Variants in RNF32 observed in about 807,000 individuals in gnomAD.
RNF32 encodes ring finger protein 32.
Under a neutral mutation model 41.0 loss-of-function variants are expected in RNF32, and 36 were observed. The ratio of observed to expected loss-of-function variants is 0.88; its 90% CI spans 0.67 to 1.16. The LOEUF is 1.16. Ranked by LOEUF, RNF32 falls within the 50% of genes most tolerant of loss-of-function variation. The probability of loss-of-function intolerance (pLI) is 0.00; values close to 1 mark genes in which losing one functional copy is unlikely to be tolerated. For synonymous variants in RNF32, 154 were observed against 160.9 expected (o/e 0.96, Z 0.32); for missense variants, 413 against 436.7 (o/e 0.95, Z 0.48).
At chr7:156,650,836 C>G (rs1217348419) in intron 3 of RNF32, among the ~76,000 whole-genome samples, 1 of 152,206 alleles carries the variant, frequency 6.6e-6, no homozygotes, top group East Asian at 1.9e-4. Flanking sequence ...TCTTACTGTT[C>G]ATTTGTTTCT....
chr7:156,672,626 G>C (rs1458540100), intron 7 of RNF32, among the ~76,000 whole-genome samples: 1 of 152,234 alleles, frequency 6.6e-6, no homozygotes, highest in African/African-American at 2.4e-5. Flanking sequence ...GGACAGCTGG[G>C]ATTGCTCCAG....
chr7:156,646,252 A>T (rs371394837), intron 3 of RNF32, among the ~76,000 whole-genome samples: 1 of 152,240 alleles, frequency 6.6e-6, no homozygotes, highest in East Asian at 1.9e-4. Context: ...AACAAAAGAA[A>T]TGTATTCTCT....
rs184866735 is a variant in RNF32 at position 156,658,013 on chromosome 7, A to G, written c.451-115A>G. ...CTCACTTTATAACCTAAATTGGGCT[A>G]AGTCTCATAGTTATGGGAGAAAAGA... On this transcript the variant is annotated intron_variant, in intron 5 of 8. Coordinates refer to ENST00000317955, the MANE Select transcript of RNF32 (RefSeq NM_030936.4). 1.1e-5 allele frequency: 12 copies of G among 1,083,906 alleles called. No homozygotes were observed. In the East Asian group the frequency reaches 2.6e-4, roughly 24 times the overall value. 67.1% of individuals were successfully genotyped at this position (1,083,906 alleles called of 1,614,324 possible). A position where few individuals can be genotyped will look rare whatever the true frequency, so the allele number is the denominator to read the frequency against.
At chr7:156,644,293 T>A (rs2131335784) in intron 2 of RNF32, among the ~76,000 whole-genome samples, 1 of 152,308 alleles carries the variant, frequency 6.6e-6, no homozygotes, top group South Asian at 2.1e-4. Flanking sequence ...AAGGCTTTCA[T>A]AATTAAATGA....
intron 3 of RNF32, among the ~76,000 whole-genome samples, chr7:156,652,337 T>C (rs779032729): frequency 1.3e-5 from 2 of 152,176 alleles, no homozygotes; most frequent in Admixed American, 6.5e-5. Flanking sequence ...CTGGGCCCTC[T>C]CAAACCAGAA....
At chr7:156,668,945 GT>G (rs1801834050) in intron 7 of RNF32, 1 of 152,342 alleles carries the variant, frequency 6.6e-6, no homozygotes, top group South Asian at 2.1e-4. Context: ...AAAGGGAATT[GT>G]TTTTCTCATT....
At chr7:156,646,450 T>C (rs145573310) in intron 3 of RNF32, 2 of 1,303,594 alleles carry the variant, frequency 1.5e-6, no homozygotes, top group Non-Finnish European at 1.0e-6. Context: ...CCTCTTCTTA[T>C]AAGGATACCA....
Position 156,669,189 on chromosome 7 carries a change from G to A in RNF32, c.685-6507G>A, listed in dbSNP as rs1801890409. ...CCCTCTGGGCAGACACAGGTGCAAG[G>A]GCCCAGGTGTGAGCACCCAGCCGGC... On this transcript the variant is annotated intron_variant, in intron 7 of 8. Coordinates refer to ENST00000317955, the MANE Select transcript of RNF32 (RefSeq NM_030936.4). The surrounding 1 kb of genome is among the most constrained non-coding windows in gnomAD (Gnocchi z 4.2). The A allele has an allele frequency of 2.0e-5, 3 of 152,238 alleles. No homozygotes were observed. The highest frequency in any genetic ancestry group is 4.4e-5 in the Non-Finnish European group (3 of 68,070). The allele number at this position is 152,238 out of a possible 1,614,324, so 9.4% of individuals were successfully genotyped here. A position where few individuals can be genotyped will look rare whatever the true frequency, so the allele number is the denominator to read the frequency against.
intron 3 of RNF32, among the ~76,000 whole-genome samples, chr7:156,646,851 ATTTTG>A (rs914710573): frequency 1.3e-5 from 2 of 151,934 alleles, no homozygotes; most frequent in African/African-American, 4.8e-5. Context: ...TTGAAATTTC[ATTTTG>A]TTTTGTTTTT....
Position 156,658,139 on chromosome 7 carries a change from G to A in RNF32, c.462G>A (p.Gln154=), listed in dbSNP as rs774865708. 6.2e-7 allele frequency: 1 copy of A among 1,613,742 alleles called. No individual in the cohort carries two copies. The highest frequency in any genetic ancestry group is 8.5e-7 in the Non-Finnish European group (1 of 1,179,842). The change falls in exon 6 of 9, where the codon CAG becomes CAA. Residue 154 remains glutamine (Q), a synonymous_variant. Coordinates refer to ENST00000317955, the MANE Select transcript of RNF32 (RefSeq NM_030936.4). ...ATGTTTTTCTTCAGGCATGTCTTCA[G>A]GCTTTTGAAAAGTTCACAAATAAGA... ...CSHVFHKACL[Q]AFEKFTNKKT...
intron 7 of RNF32, chr7:156,668,804 C>CT (rs2131607224): frequency 6.6e-6 from 1 of 152,608 alleles, no homozygotes; most frequent in South Asian, 2.1e-4. Context: ...TTCCCCAACT[C>CT]TTTTCACCCC....
At chr7:156,656,512 A>G (rs1247258693) in intron 4 of RNF32, among the ~76,000 whole-genome samples, 1 of 152,232 alleles carries the variant, frequency 6.6e-6, no homozygotes, top group African/African-American at 2.4e-5. Flanking sequence ...TTCAATTCAG[A>G]CTTACTCTTG....
intron 3 of RNF32, among the ~76,000 whole-genome samples, chr7:156,647,377 T>C (rs935277924): frequency 6.6e-6 from 1 of 152,088 alleles, no homozygotes; most frequent in Non-Finnish European, 1.5e-5. Context: ...GTCTCCAATG[T>C]CCATTATACC....
chr7:156,660,867 G>A (rs1310419704), intron 7 of RNF32, among the ~76,000 whole-genome samples: 11 of 152,366 alleles, frequency 7.2e-5, no homozygotes, highest in South Asian at 2.1e-4. Flanking sequence ...GGAGTTACAG[G>A]CAAAGACATC....
chr7:156,665,703 C>T (rs1455243394), intron 7 of RNF32, among the ~76,000 whole-genome samples: 1 of 152,196 alleles, frequency 6.6e-6, no homozygotes, highest in East Asian at 1.9e-4. Context: ...TTCTCCACTC[C>T]CACCCACCAG....
upstream of RNF32, chr7:156,640,656 C>T: frequency 2.8e-6 from 1 of 361,290 alleles, no homozygotes; most frequent in Admixed American, 3.6e-5. Context: ...GGCGAGCATG[C>T]GCAGTATGGG....
chr7:156,640,554 G>A (rs1797137121), upstream of RNF32: 2 of 390,658 alleles, frequency 5.1e-6, no homozygotes, highest in South Asian at 1.8e-5. Context: ...AGACGCTGAC[G>A]CCGTGCGCGG....
At chr7:156,648,483 A>C (rs1798277283) in intron 3 of RNF32, among the ~76,000 whole-genome samples, 1 of 152,222 alleles carries the variant, frequency 6.6e-6, no homozygotes. Flanking sequence ...TTTCATCATA[A>C]TCAATCTTAA....
At chr7:156,661,531 G>A (rs1800670971) in intron 7 of RNF32, among the ~76,000 whole-genome samples, 1 of 152,172 alleles carries the variant, frequency 6.6e-6, no homozygotes, top group African/African-American at 2.4e-5. Context: ...ATGTTGGCCA[G>A]GCAGGTCCTG....
Sources: gnomAD v4.1 joint callset for allele counts (sites outside exome capture counted in the v4.1 genomes callset) on GRCh38, gnomAD v4.1.1 for gene constraint, Gnocchi (gnomAD v3.1) non-coding constraint, MANE v1.5 for transcripts, NCBI Gene and HGNC (gene_info 2026-07-23, HGNC 2026-07-21) for gene names.